The following RNF212B variants were observed in gnomAD, a reference collection of about 807,000 sequenced individuals.
RNF212B encodes E3 ubiquitin-protein ligase RNF212B.
Under a neutral mutation model 55.5 loss-of-function variants are expected in RNF212B, and 52 were observed. That is an observed-to-expected ratio of 0.94 (90% CI 0.75 to 1.18). The LOEUF (loss-of-function observed/expected upper bound fraction) is 1.18, where lower values mean the gene tolerates loss of function less well. Ranked by LOEUF, RNF212B falls within the 50% of genes most tolerant of loss-of-function variation. RNF212B has a pLI of 0.00. For synonymous variants in RNF212B, 99 were observed against 121.4 expected (o/e 0.82, Z 1.21); for missense variants, 289 against 350.4 (o/e 0.82, Z 1.40).
In RNF212B at chr14:23,272,820, CA is replaced by C; in HGVS notation, c.835-2del. 6.5e-7 allele frequency: 1 copy of C among 1,546,392 alleles called. No individual in the cohort carries two copies. The highest frequency in any genetic ancestry group is 8.7e-7 in the Non-Finnish European group (1 of 1,143,690). ...ACATCTACCTTCTTGTCCTCTGCTG[CA>C]GACTCTCTACCAACAACGGAGGCAT... is the stretch of plus-strand genomic sequence containing the variant. On this transcript the variant is annotated splice_acceptor_variant, in intron 14 of 14. Coordinates refer to ENST00000430154, the MANE Select transcript of RNF212B (RefSeq NM_001282322.3). LOFTEE classifies it high-confidence loss of function.
Position 23,257,965 on chromosome 14 carries a change from A to G in RNF212B, c.229-584A>G, listed in dbSNP as rs563799863. On this transcript the variant is annotated intron_variant, in intron 4 of 14. Transcript: ENST00000430154. ...ATTCTAAGCTTGAAAAACAGTTTTA[A>G]AAAAAATCTCTCTTCTTGCACGGGA... Among the ~76,000 whole-genome samples, 145 of 152,312 alleles carry G rather than the reference A, an allele frequency of 9.5e-4. 1 individual carries two copies. Among genetic ancestry groups the G allele is most frequent in the Non-Finnish European group, 1.5e-3 (104 of 68,038 alleles).
chr14:23,262,634 T>C, intron 7 of RNF212B, 31 bp from the exon 8 acceptor site: 3 of 1,546,150 alleles, frequency 1.9e-6, no homozygotes, highest in Non-Finnish European at 2.6e-6. Context: ...CCTAGAGAGA[T>C]TAGAGCCGCC....
chr14:23,206,543 G>A (rs1477939989), intron 2 of RNF212B, among the ~76,000 whole-genome samples: 1 of 152,100 alleles, frequency 6.6e-6, no homozygotes, highest in Non-Finnish European at 1.5e-5. Context: ...CATTTATAAA[G>A]ACCCTCACCC....
At chr14:23,210,341 A>G (rs1399703538) in intron 2 of RNF212B, among the ~76,000 whole-genome samples, 2 of 152,264 alleles carry the variant, frequency 1.3e-5, no homozygotes, top group Non-Finnish European at 2.9e-5. Flanking sequence ...AGACATGACA[A>G]TGAAACGCAG....
chr14:23,244,508 T>C (rs943326793), intron 4 of RNF212B, 112 bp downstream of exon 4: 2 of 585,294 alleles, frequency 3.4e-6, no homozygotes, highest in Non-Finnish European at 5.9e-6. Flanking sequence ...TGGAGGGAAA[T>C]TGACTGCTTT....
intron 14 of RNF212B, among the ~76,000 whole-genome samples, chr14:23,271,531 A>T (rs565586173): frequency 6.6e-6 from 1 of 151,710 alleles, no homozygotes; most frequent in African/African-American, 2.4e-5. Context: ...TTTTGAGCAT[A>T]TTTAGGCTCC....
In RNF212B at chr14:23,266,207, C is replaced by T. The variant is rs576568503; in HGVS notation, c.634+1536C>T. ...CTCCTTACCTCAGGTGATCTGCCCG[C>T]CTCAGCCTCCCAAAGTGCTGGGATT... is the stretch of plus-strand genomic sequence containing the variant. On this transcript the variant is annotated intron_variant, in intron 11 of 14. Transcript: ENST00000430154. Among the ~76,000 whole-genome samples, 92 of 152,140 alleles carry T rather than the reference C, an allele frequency of 6.0e-4. 1 individual carries two copies. Among genetic ancestry groups the T allele is most frequent in the Middle Eastern group, 6.8e-3 (2 of 294 alleles).
rs191678633 is a variant in RNF212B at position 23,197,674 on chromosome 14, A to T, written c.-2+4273A>T. 3.0e-3 allele frequency among the ~76,000 whole-genome samples: 459 copies of T among 152,286 alleles called. 8 individuals carry two copies. The highest frequency in any genetic ancestry group is 0.027 in the Admixed American group (420 of 15,300). ...AACATTCCCCAAAGGAGAGAGAATA[A>T]TACAATGAACTCTCATGTATCAGAA... On this transcript the variant is annotated intron_variant, in intron 2 of 15. Coordinates refer to the RNF212B transcript ENST00000399910.
At chr14:23,271,277 TA>T in intron 14 of RNF212B, among the ~76,000 whole-genome samples, 1 of 152,112 alleles carries the variant, frequency 6.6e-6, no homozygotes, top group South Asian at 2.1e-4. Context: ...CGTCTCTCTC[TA>T]CTGAAAATAC....
At chr14:23,186,082 A>G (rs968840894) in intron 1 of RNF212B, among the ~76,000 whole-genome samples, 2 of 152,176 alleles carry the variant, frequency 1.3e-5, no homozygotes, top group East Asian at 1.9e-4. Context: ...CCTGGGTGGC[A>G]AAGTGAGACC....
chr14:23,262,567 G>A (rs981770801), intron 7 of RNF212B, 98 bp from the exon 8 acceptor site: 119 of 1,019,734 alleles, frequency 1.2e-4, no homozygotes, highest in East Asian at 7.8e-5. Context: ...CAGAGAGGAA[G>A]CTATTATTCT....
intron 9 of RNF212B, 103 bp from the exon 10 acceptor site, chr14:23,264,071 G>C: frequency 1.2e-6 from 1 of 863,376 alleles, no homozygotes; most frequent in Non-Finnish European, 1.8e-6. Flanking sequence ...CTGGGCAACA[G>C]AGTGAGACTC....
Position 23,270,581 on chromosome 14 carries a change from G to A in RNF212B, c.773-19G>A. 1 of 1,540,386 alleles carries A rather than the reference G, an allele frequency of 6.5e-7. No individual in the cohort carries two copies. The highest frequency in any genetic ancestry group is 1.7e-4 in the Middle Eastern group (1 of 5,972). ...CTGCCCAAGTAAGTTATCTTTCACT[G>A]TTCCATTCTATCCTTCAGCTCAGAG... On this transcript the variant is annotated intron_variant, in intron 13 of 14. Coordinates refer to ENST00000430154, the MANE Select transcript of RNF212B (RefSeq NM_001282322.3).
At chr14:23,202,799 C>T (rs184815437) in intron 2 of RNF212B, among the ~76,000 whole-genome samples, 1 of 147,444 alleles carries the variant, frequency 6.8e-6, no homozygotes, top group African/African-American at 2.5e-5. Flanking sequence ...TGCAGTGAGC[C>T]AAGATTGGTC....
At position 23,251,892 on chromosome 14, in the gene RNF212B, G is replaced by T. The variant is rs540455415; in HGVS notation, c.229-6657G>T. On this transcript the variant is annotated intron_variant, in intron 4 of 14. Transcript: ENST00000430154. ...AAAGATGCAAAGTATGTGAGGAGGGGTGCAGAGCTTCCATACCCTCTCCAG... is the reference window on the plus strand; with the variant it reads ...AAAGATGCAAAGTATGTGAGGAGGGTTGCAGAGCTTCCATACCCTCTCCAG... Among the ~76,000 whole-genome samples, 3 of 152,164 alleles carry T rather than the reference G, an allele frequency of 2.0e-5. No individual in the cohort carries two copies. The South Asian group carries it at 6.2e-4, about 32-fold the overall frequency.
chr14:23,237,899 C>G (rs569165457), upstream of RNF212B, among the ~76,000 whole-genome samples: 46 of 152,278 alleles, frequency 3.0e-4, no homozygotes, highest in African/African-American at 8.7e-4. Context: ...CGCCAGGCCC[C>G]GCCCACACCT....
intron 2 of RNF212B, among the ~76,000 whole-genome samples, chr14:23,232,260 A>C (rs186153577): frequency 7.6e-6 from 1 of 130,984 alleles, no homozygotes; most frequent in Non-Finnish European, 1.6e-5. Context: ...CCGCCGCCCC[A>C]TCTGGGATGT....
chr14:23,238,051 A>G lies in RNF212B; in HGVS notation c.-6A>G, dbSNP rs757169522. ...AGGCTTTCTGGAATCACAGCGGCCAAGCGGGTAGGGAGTGTAGCCAGAAAA... is the reference window on the plus strand; with the variant it reads ...AGGCTTTCTGGAATCACAGCGGCCAGGCGGGTAGGGAGTGTAGCCAGAAAA... On this transcript the variant is annotated 5_prime_UTR_variant, in exon 1 of 15. Transcript: ENST00000430154. 6.6e-6 allele frequency among the ~76,000 whole-genome samples: 1 copy of G among 152,192 alleles called. No homozygotes were observed. The highest frequency in any genetic ancestry group is 1.5e-5 in the Non-Finnish European group (1 of 68,030).
At chr14:23,193,988 C>G (rs183660886) in intron 2 of RNF212B, among the ~76,000 whole-genome samples, 3 of 152,048 alleles carry the variant, frequency 2.0e-5, no homozygotes, top group South Asian at 2.1e-4. Context: ...ATTACAGGAG[C>G]CTGCCGCTAC....
Sources: allele counts gnomAD v4.1 joint callset (sites outside exome capture counted in the v4.1 genomes callset), GRCh38; gene constraint gnomAD v4.1.1; transcripts MANE v1.5; gene names NCBI Gene and HGNC (gene_info 2026-07-23, HGNC 2026-07-21).